PDE7B: variants seen among roughly 807,000 people sequenced by gnomAD.
The protein encoded by PDE7B is 3',5'-cyclic-AMP phosphodiesterase 7B.
Under a neutral mutation model 56.2 loss-of-function variants are expected in PDE7B, and 29 were observed. The ratio of observed to expected loss-of-function variants is 0.52; its 90% confidence interval spans 0.38 to 0.70. PDE7B has a LOEUF of 0.70. Among genes scored for constraint, PDE7B ranks in the 30% least tolerant of loss-of-function variants. The pLI is 0.00. For synonymous variants in PDE7B, 197 were observed against 196.9 expected (o/e 1.00, Z 0.00); for missense variants, 490 against 565.0 (o/e 0.87, Z 1.35).
chr6:136,185,940 T>G (rs919227537), intron 11 of PDE7B, among the ~76,000 whole-genome samples: 1 of 152,144 alleles, frequency 6.6e-6, no homozygotes, highest in African/African-American at 2.4e-5. Flanking sequence ...CAAAAATTAC[T>G]CAATTTGTTA....
At chr6:135,989,756 G>A (rs1432234485) in intron 2 of PDE7B, among the ~76,000 whole-genome samples, 1 of 152,078 alleles carries the variant, frequency 6.6e-6, no homozygotes, top group Non-Finnish European at 1.5e-5. Flanking sequence ...AATTACAATG[G>A]TTTATGTTGG....
chr6:136,140,447 A>G (rs1466744020), intron 3 of PDE7B, among the ~76,000 whole-genome samples: 5 of 152,124 alleles, frequency 3.3e-5, no homozygotes, highest in African/African-American at 9.7e-5. Flanking sequence ...TTGACTTGGT[A>G]ATGCAGGCTC....
At chr6:136,057,077 G>A (rs936122967) in intron 2 of PDE7B, among the ~76,000 whole-genome samples, 1 of 152,148 alleles carries the variant, frequency 6.6e-6, no homozygotes, top group Admixed American at 6.5e-5. Flanking sequence ...AAACTGCATT[G>A]TGGTGCGATT....
intron 2 of PDE7B, among the ~76,000 whole-genome samples, chr6:136,003,375 G>T (rs947886640): frequency 6.6e-6 from 1 of 151,976 alleles, no homozygotes. Context: ...AGGAAATAGA[G>T]ACACAAAAAA....
intron 2 of PDE7B, among the ~76,000 whole-genome samples, chr6:135,994,222 G>A (rs776977981): frequency 1.8e-4 from 28 of 151,736 alleles, no homozygotes; most frequent in Non-Finnish European, 3.2e-4. Flanking sequence ...AATTACCACT[G>A]AGATTGTGTC....
chr6:135,922,727 A>T (rs1310748678), intron 1 of PDE7B, among the ~76,000 whole-genome samples: 1 of 152,226 alleles, frequency 6.6e-6, no homozygotes, highest in African/African-American at 2.4e-5. Context: ...AAATCAAAGT[A>T]GTAAAATTAA....
chr6:135,975,000 T>G (rs1220919278), intron 2 of PDE7B, among the ~76,000 whole-genome samples: 1 of 152,032 alleles, frequency 6.6e-6, no homozygotes, highest in Non-Finnish European at 1.5e-5. Context: ...TGAAGCCAAC[T>G]GGGTTCAATA....
rs566277469 is a variant in PDE7B, at chr6:135,975,804, C to T, written c.82+28280C>T. ...ATACTCACTCCCCCAATGGGGATAC[C>T]TTAGGTGCCAAATTTGTGTCACAGT... On this transcript the variant is annotated intron_variant, in intron 2 of 12. Coordinates refer to ENST00000308191, the MANE Select transcript of PDE7B (RefSeq NM_018945.4). Among the ~76,000 whole-genome samples, 4 of 52,528 alleles carry T rather than the reference C, an allele frequency of 7.6e-5. No individual in the cohort carries two copies. In the South Asian group the frequency reaches 1.3e-3, roughly 17 times the overall value. 34.5% of individuals were successfully genotyped at this position (52,528 alleles called of 152,430 possible).
chr6:135,871,670 C>G (rs756252007), intron 1 of PDE7B, among the ~76,000 whole-genome samples: 12 of 152,102 alleles, frequency 7.9e-5, no homozygotes, highest in Non-Finnish European at 1.8e-4. Context: ...GCTACCTGTG[C>G]TATGGCCTGA....
chr6:135,973,258 A>C (rs893329213), intron 2 of PDE7B, among the ~76,000 whole-genome samples: 1 of 152,100 alleles, frequency 6.6e-6, no homozygotes, highest in Non-Finnish European at 1.5e-5. Context: ...GGCTTATTTC[A>C]CTTAGCATAA....
chr6:136,167,635 C>A (rs1034778103), intron 8 of PDE7B, among the ~76,000 whole-genome samples: 1 of 152,252 alleles, frequency 6.6e-6, no homozygotes, highest in African/African-American at 2.4e-5. Context: ...AGCATGAAAA[C>A]GGACTAATAT....
At chr6:135,865,025 G>A (rs1775227679) in intron 1 of PDE7B, among the ~76,000 whole-genome samples, 1 of 146,468 alleles carries the variant, frequency 6.8e-6, no homozygotes. Flanking sequence ...CCACCTGTGA[G>A]TGAGAACATG....
chr6:135,978,798 A>C (rs1219549199), intron 2 of PDE7B, among the ~76,000 whole-genome samples: 1 of 152,128 alleles, frequency 6.6e-6, no homozygotes, highest in Non-Finnish European at 1.5e-5. Flanking sequence ...GGGGTTTTCT[A>C]GATATACAAT....
chr6:135,926,490 G>A (rs958078313), intron 1 of PDE7B, among the ~76,000 whole-genome samples: 1 of 137,270 alleles, frequency 7.3e-6, no homozygotes, highest in Non-Finnish European at 1.5e-5. Context: ...ACTGCGGGTG[G>A]GGGGGGCTTA....
chr6:136,059,892 T>A lies in PDE7B; in HGVS notation c.83-48839T>A, dbSNP rs552711891. ...ATCACTTTATAGGAAGTATTTGCCA[T>A]AAATTAATCATTCCTGATCCACCTG... On this transcript the variant is annotated intron_variant, in intron 2 of 12. Coordinates refer to ENST00000308191, the MANE Select transcript of PDE7B (RefSeq NM_018945.4). 2.0e-5 allele frequency among the ~76,000 whole-genome samples: 3 copies of A among 152,274 alleles called. No individual in the cohort carries two copies. In the South Asian group the frequency reaches 6.2e-4, roughly 32 times the overall value.
intron 1 of PDE7B, among the ~76,000 whole-genome samples, chr6:135,925,848 T>C (rs1310714951): frequency 6.6e-6 from 1 of 152,184 alleles, no homozygotes. Flanking sequence ...ACAAACTACA[T>C]AATTTTTTTT....
chr6:135,929,151 CAA>C (rs1343803275), intron 1 of PDE7B, among the ~76,000 whole-genome samples: 2 of 152,148 alleles, frequency 1.3e-5, no homozygotes, highest in Non-Finnish European at 2.9e-5. Flanking sequence ...TCCAGTATAT[CAA>C]GTCATTGTTT....
intron 2 of PDE7B, chr6:136,034,041 T>C (rs1776286266): frequency 6.6e-6 from 1 of 152,114 alleles, no homozygotes; most frequent in South Asian, 2.1e-4. Flanking sequence ...TTCCAAAATA[T>C]CTGAGTGAGA....
intron 2 of PDE7B, among the ~76,000 whole-genome samples, chr6:136,028,491 AT>A (rs758891322): frequency 6.6e-6 from 1 of 152,316 alleles, no homozygotes; most frequent in East Asian, 1.9e-4. Context: ...AACAACACAA[AT>A]TCATTATCTT....
Sources: gnomAD v4.1 joint callset for allele counts (sites outside exome capture counted in the v4.1 genomes callset) on GRCh38, gnomAD v4.1.1 for gene constraint, MANE v1.5 for transcripts, NCBI Gene and HGNC (gene_info 2026-07-23, HGNC 2026-07-21) for gene names.